The following TXNIP variants were observed in gnomAD, a reference collection of about 807,000 sequenced individuals.
TXNIP encodes the protein thioredoxin-interacting protein.
TXNIP carries 23 observed loss-of-function variants against 43.9 expected under a neutral mutation model. The observed-to-expected ratio is 0.52, with a 90% CI of 0.38 to 0.74. TXNIP has a LOEUF of 0.74. TXNIP is among the 30% of genes least tolerant of loss of function. The pLI is 0.00. For missense variants in TXNIP, 555 were observed against 485.4 expected, an observed-to-expected ratio of 1.14 and a Z score of -1.35; for synonymous variants, 234 against 172.2, an observed-to-expected ratio of 1.36 and a Z score of -2.81.
At position 145,994,242 on chromosome 1, in the gene TXNIP, T is replaced by A. The variant is rs1452866908; in HGVS notation, c.988+39A>T. 5 of 1,613,122 alleles carry A rather than the reference T, an allele frequency of 3.1e-6. No homozygotes were observed. In the African/African-American group the frequency reaches 5.3e-5, roughly 17 times the overall value. ...ACCATCACAATTTTACAAACCCAGG[T>A]AGACCAGAAACAAAGAAAAGACATT... On this transcript the variant is annotated intron_variant, in intron 6 of 7. Transcript: ENST00000582401.
rs901803859 is a variant in TXNIP at position 145,992,902 on chromosome 1, T to C, written c.*949A>G. 8 of 152,690 alleles carry C rather than the reference T, an allele frequency of 5.2e-5. No homozygotes were observed. The highest frequency in any genetic ancestry group is 1.2e-4 in the Non-Finnish European group (8 of 68,050). The allele number at this position is 152,690 out of a possible 1,614,324, so 9.5% of individuals were successfully genotyped here. On this transcript the variant is annotated 3_prime_UTR_variant, in exon 8 of 8. Transcript: ENST00000582401. ...GCAACCCTTTCACATGATTTAAGCG[T>C]TAGAATTATATAATTCTGTACATTG...
Position 145,994,335 on chromosome 1 carries a change from G to T in TXNIP, c.934C>A (p.Arg312=). The change falls in exon 6 of 8, where the codon CGA becomes AGA. Residue 312 remains arginine (R), a synonymous_variant. Transcript: ENST00000582401. ...LSSRTSSMAS[R]TSSEMSWVDL... Reference sequence around the variant, plus strand: ...ACCCAACTCATCTCAGAGCTGGTTCGGCTGGCCATGCTGGATGTTCTGCTG... The same window carrying T: ...ACCCAACTCATCTCAGAGCTGGTTCTGCTGGCCATGCTGGATGTTCTGCTG... 6.2e-7 allele frequency: 1 copy of T among 1,614,172 alleles called. No homozygotes were observed. Among genetic ancestry groups the T allele is most frequent in the South Asian group, 1.1e-5 (1 of 91,084 alleles).
rs115324660 is a variant in TXNIP at position 145,995,724 on chromosome 1, A to G, written c.251-248T>C. On this transcript the variant is annotated intron_variant, in intron 1 of 7. Coordinates refer to ENST00000582401, the MANE Select transcript of TXNIP (RefSeq NM_006472.6). Reference sequence around the variant, plus strand: ...AGGACAGTTCTCTACTAACATCTCAAATAGGAAGTAGACAAAGAATAAGCA... The same window carrying G: ...AGGACAGTTCTCTACTAACATCTCAGATAGGAAGTAGACAAAGAATAAGCA... 2.1e-4 allele frequency: 128 copies of G among 608,854 alleles called. No individual in the cohort carries two copies. In the African/African-American group the frequency reaches 2.2e-3, roughly 11 times the overall value. The allele number at this position is 608,854 out of a possible 1,614,324, so 37.7% of individuals were successfully genotyped here. A position where few individuals can be genotyped will look rare whatever the true frequency, so the allele number is the denominator to read the frequency against.
chr1:145,993,582 G>A lies in TXNIP; in HGVS notation c.*269C>T, dbSNP rs782735059. On this transcript the variant is annotated 3_prime_UTR_variant, in exon 8 of 8. Transcript: ENST00000582401. Reference sequence around the variant, plus strand: ...GGCCTCAATTTTCAAGGAGATCTGAGAAAATGGATGGGCCTGAGTTTTTCT... The same window carrying A: ...GGCCTCAATTTTCAAGGAGATCTGAAAAAATGGATGGGCCTGAGTTTTTCT... The A allele has an allele frequency of 1.7e-5, 6 of 358,914 alleles. No individual in the cohort carries two copies. Among genetic ancestry groups the A allele is most frequent in the Non-Finnish European group, 3.1e-5 (6 of 196,346 alleles). The allele number at this position is 358,914 out of a possible 1,614,324, so 22.2% of individuals were successfully genotyped here.
chr1:145,993,644 T>A lies in TXNIP; in HGVS notation c.*207A>T, dbSNP rs1651288534. 8.8e-6 allele frequency: 5 copies of A among 570,394 alleles called. No individual in the cohort carries two copies. The highest frequency in any genetic ancestry group is 1.5e-5 in the Non-Finnish European group (5 of 323,110). The allele number at this position is 570,394 out of a possible 1,614,324, so 35.3% of individuals were successfully genotyped here. ...AACCCATCCAACAAACACCCCTGTA[T>A]CACAACATGGGCGCTGGCTGAGGAT... On this transcript the variant is annotated 3_prime_UTR_variant, in exon 8 of 8. Transcript: ENST00000582401.
chr1:145,992,602 A>G lies in TXNIP; in HGVS notation c.*1249T>C, dbSNP rs782123605. ...CTTCAGCCCACACTTTCTGGCTGTA[A>G]TAACTCTCAGAAAAGGGTGGAGCTC... On this transcript the variant is annotated 3_prime_UTR_variant, in exon 8 of 8. Transcript: ENST00000582401. 7 of 152,804 alleles carry G rather than the reference A, an allele frequency of 4.6e-5. No individual in the cohort carries two copies. The East Asian group carries it at 1.2e-3, about 25-fold the overall frequency. The allele number at this position is 152,804 out of a possible 1,614,324, so 9.5% of individuals were successfully genotyped here.
At position 145,994,631 on chromosome 1, in the gene TXNIP, T is replaced by A. The variant is rs782087152; in HGVS notation, c.744A>T (p.Ala248=). The A allele has an allele frequency of 6.2e-7, 1 of 1,614,232 alleles. No homozygotes were observed. Among genetic ancestry groups the A allele is most frequent in the Middle Eastern group, 1.6e-4 (1 of 6,062 alleles). The change falls in exon 5 of 8, where the codon GCA becomes GCT. Residue 248 remains alanine (A), a synonymous_variant. Transcript: ENST00000582401. ...RGNHIISGTC[A]SWRGKSLRVQ... ...CCCGAAGGCTCTTGCCACGCCATGA[T>A]GCGCATGTCCCTGAGATAATATGAT...
At chr1:145,995,554 G>GGT in intron 1 of TXNIP, 78 bp from the exon 2 acceptor site, 1 of 1,357,532 alleles carries the variant, frequency 7.4e-7, no homozygotes, top group East Asian at 2.3e-5. Flanking sequence ...GGAATGCTTG[G>GGT]GTGGCATGCA....
intron 1 of TXNIP, 34 bp downstream of exon 1, chr1:145,995,983 C>T (rs1470631774): frequency 6.2e-7 from 1 of 1,608,386 alleles, no homozygotes; most frequent in Admixed American, 1.7e-5. Context: ...CTCTAATCAG[C>T]TTTCACCCTC....
In TXNIP at chr1:145,995,001, CTT is replaced by C. The variant is rs1454046787; in HGVS notation, c.500_501del (p.Lys167SerfsTer8). ...CCATCAGGAATGAACATGCAGGAAA[CTT>C]TCTTTTCTTTTTTAGCAGACACAGG... ...MAPVSAKKEKKVSCMFIPDGR... is the reference protein window; with the variant it reads ...MAPVSAKKEKXVSCMFIPDGR... On this transcript the variant is annotated frameshift_variant, in exon 4 of 8. Coordinates refer to ENST00000582401, the MANE Select transcript of TXNIP (RefSeq NM_006472.6). LOFTEE classifies it high-confidence loss of function. 1 of 1,614,116 alleles carries C rather than the reference CTT, an allele frequency of 6.2e-7. No homozygotes were observed. Among genetic ancestry groups the C allele is most frequent in the Non-Finnish European group, 8.5e-7 (1 of 1,180,020 alleles).
Position 145,992,863 on chromosome 1 carries a change from C to CA in TXNIP, c.*987dup. Reference sequence around the variant, plus strand: ...TCCTTGGGTTTGAAGTCACAGTGGGCAAGGCTGACAGCAGCAACCCTTTCA... The same window carrying CA: ...TCCTTGGGTTTGAAGTCACAGTGGGCAAAGGCTGACAGCAGCAACCCTTTCA... On this transcript the variant is annotated 3_prime_UTR_variant, in exon 8 of 8. Transcript: ENST00000582401. The CA allele has an allele frequency of 6.5e-6, 1 of 152,770 alleles. No individual in the cohort carries two copies. Among genetic ancestry groups the CA allele is most frequent in the Non-Finnish European group, 1.5e-5 (1 of 68,058 alleles). 9.5% of individuals were successfully genotyped at this position (152,770 alleles called of 1,614,324 possible). A position where few individuals can be genotyped will look rare whatever the true frequency, so the allele number is the denominator to read the frequency against.
intron 2 of TXNIP, 56 bp downstream of exon 2, chr1:145,995,348 G>A: frequency 1.2e-6 from 2 of 1,610,188 alleles, no homozygotes; most frequent in South Asian, 1.1e-5. Context: ...AGTGATCAAA[G>A]GAGGGCAAGA....
rs833392 is a variant in TXNIP at position 145,996,491 on chromosome 1, T to G, written c.-225A>C. 391 of 440,348 alleles carry G rather than the reference T, an allele frequency of 8.9e-4. 1 individual carries two copies. Among genetic ancestry groups the G allele is most frequent in the Non-Finnish European group, 1.4e-3 (335 of 248,140 alleles). 27.3% of individuals were successfully genotyped at this position (440,348 alleles called of 1,614,324 possible). On this transcript the variant is annotated 5_prime_UTR_variant, in exon 1 of 8. Transcript: ENST00000582401. ...TACGCCGCTGGTTACACTAAGCTAATTCAGAGAAAAAGCCTTCTTTCCCCC... is the reference window on the plus strand; with the variant it reads ...TACGCCGCTGGTTACACTAAGCTAAGTCAGAGAAAAAGCCTTCTTTCCCCC...
Position 145,992,763 on chromosome 1 carries a change from G to A in TXNIP, c.*1088C>T, listed in dbSNP as rs587731065. 6 of 152,768 alleles carry A rather than the reference G, an allele frequency of 3.9e-5. No individual in the cohort carries two copies. The highest frequency in any genetic ancestry group is 1.3e-4 in the Admixed American group (2 of 15,294). 9.5% of individuals were successfully genotyped at this position (152,768 alleles called of 1,614,324 possible). On this transcript the variant is annotated 3_prime_UTR_variant, in exon 8 of 8. Transcript: ENST00000582401. The stretch of plus-strand genomic sequence containing the variant: ...AGGGGGTTCAAAGGGCTTTTATGAA[G>A]ACCTGCCCTCTAGTTTCTCATGGCA...
chr1:145,994,712 G>A lies in TXNIP; in HGVS notation c.663C>T (p.Tyr221=). 2 of 1,614,240 alleles carry A rather than the reference G, an allele frequency of 1.2e-6. No individual in the cohort carries two copies. Among genetic ancestry groups the A allele is most frequent in the Middle Eastern group, 1.6e-4 (1 of 6,062 alleles). ...PKAAIVARHT[Y]LANGQTKVLT... Reference sequence around the variant, plus strand: ...GCACCTTGGTCTGGCCATTGGCAAGGTAAGTGTGGCGGGCCACAATGGCAG... The same window carrying A: ...GCACCTTGGTCTGGCCATTGGCAAGATAAGTGTGGCGGGCCACAATGGCAG... Residue 221 remains tyrosine, a synonymous_variant, in exon 5 of 8, where the codon TAC becomes TAT. Coordinates refer to ENST00000582401, the MANE Select transcript of TXNIP (RefSeq NM_006472.6).
At position 145,994,539 on chromosome 1, in the gene TXNIP, C is replaced by A. The variant is rs1553766057; in HGVS notation, c.831+5G>T. On this transcript the variant is annotated splice_donor_5th_base_variant and intron_variant, in intron 5 of 7. Transcript: ENST00000582401. ...CTCTGCTGAAGCCACCCTGCATCTA[C>A]CCACCAGTAAGGAATATTCAACTCG... 1.9e-6 allele frequency: 3 copies of A among 1,614,038 alleles called. No homozygotes were observed. Among genetic ancestry groups the A allele is most frequent in the Non-Finnish European group, 2.5e-6 (3 of 1,180,018 alleles).
intron 4 of TXNIP, 24 bp downstream of exon 4, chr1:145,994,901 TTAAC>T: frequency 6.2e-7 from 1 of 1,614,150 alleles, no homozygotes; most frequent in Non-Finnish European, 8.5e-7. Context: ...AGTTCCTGTT[TTAAC>T]TGCCATAAGC....
chr1:145,995,872 CAA>C, intron 1 of TXNIP, 143 bp downstream of exon 1: 1 of 1,042,254 alleles, frequency 9.6e-7, no homozygotes, highest in African/African-American at 1.6e-5. Flanking sequence ...AGAATGTCTG[CAA>C]ATTAAAACAG....
rs140787249 is a variant in TXNIP at position 145,995,416 on chromosome 1, T to A, written c.311A>T (p.Glu104Val). 24 of 1,613,896 alleles carry A rather than the reference T, an allele frequency of 1.5e-5. No homozygotes were observed. In the African/African-American group the frequency reaches 3.1e-4, roughly 21 times the overall value. Residue 104 changes from glutamate (E) to valine (V), a missense_variant, in exon 2 of 8, where the codon GAG becomes GTG. Physicochemically the swap from Glu to Val is moderately radical, Grantham distance 121. Coordinates refer to ENST00000582401, the MANE Select transcript of TXNIP (RefSeq NM_006472.6). ...AGCTGATATTTACCCCTGAGGAAGC[T>A]CAAAGCCGAACTTGTACTCATATTT... is the stretch of plus-strand genomic sequence containing the variant. The part of the protein sequence containing the change: ...GNKYEYKFGF[E>V]LPQGPLGTSF...
Sources: allele counts gnomAD v4.1 joint callset, GRCh38; gene constraint gnomAD v4.1.1; transcripts MANE v1.5; gene names NCBI Gene and HGNC (gene_info 2026-07-23, HGNC 2026-07-21).